Variants in PPP2R2C observed in about 807,000 individuals in gnomAD.
PPP2R2C encodes protein phosphatase 2, regulatory subunit B, gamma.
Under a neutral mutation model 45.3 loss-of-function variants are expected in PPP2R2C, and 10 were observed. That is an observed-to-expected ratio of 0.22 (90% CI 0.14 to 0.37). PPP2R2C has a LOEUF of 0.37. Ranked by LOEUF, PPP2R2C falls within the 10% of genes least tolerant of loss-of-function variation. PPP2R2C has a pLI of 1.00. For missense variants in PPP2R2C, 308 were observed against 619.7 expected (o/e 0.50, Z 5.34); for synonymous variants, 257 against 245.4 (o/e 1.05, Z -0.44).
chr4:6,453,500 G>A lies in PPP2R2C; in HGVS notation c.70+18660C>T, dbSNP rs1249609488. Among the ~76,000 whole-genome samples the A allele has an allele frequency of 2.4e-4, 36 of 151,566 alleles. 1 individual carries two copies. Among genetic ancestry groups the A allele is most frequent in the Admixed American group, 2.4e-3 (36 of 15,232 alleles). ...CTGCCCACCCCACCCCACCCCAGGG[G>A]CAGACACATGGTGAGCTCTCACTGA... is the stretch of plus-strand genomic sequence containing the variant. On this transcript the variant is annotated intron_variant, in intron 1 of 8. Transcript: ENST00000382599.
chr4:6,365,945 C>G (rs973747405), intron 5 of PPP2R2C, among the ~76,000 whole-genome samples: 3 of 152,206 alleles, frequency 2.0e-5, no homozygotes, highest in African/African-American at 7.2e-5. Flanking sequence ...ATGCATCAGA[C>G]TCAAGAAAAA....
intron 6 of PPP2R2C, among the ~76,000 whole-genome samples, chr4:6,346,099 G>A (rs187770724): frequency 8.6e-4 from 131 of 152,250 alleles, no homozygotes; most frequent in African/African-American, 3.0e-3. Flanking sequence ...TCCAGAGGGG[G>A]CAGCCAGGTG....
At chr4:6,323,727 G>C (rs1017890756) in intron 8 of PPP2R2C, 134 bp from the exon 9 acceptor site, 36 of 927,704 alleles carry the variant, frequency 3.9e-5, no homozygotes, top group Non-Finnish European at 5.5e-5. Context: ...CTTCAGCCTA[G>C]GAGTTCAAGA....
chr4:6,428,107 A>G (rs906055493), intron 1 of PPP2R2C, among the ~76,000 whole-genome samples: 1 of 152,208 alleles, frequency 6.6e-6, no homozygotes, highest in African/African-American at 2.4e-5. Context: ...GCCGCATGTC[A>G]CAATCCATAC....
chr4:6,453,014 C>T (rs974299847), intron 1 of PPP2R2C, among the ~76,000 whole-genome samples: 8 of 152,246 alleles, frequency 5.3e-5, no homozygotes, highest in African/African-American at 1.7e-4. Flanking sequence ...TAGAGCAGAA[C>T]ATCTTTCCCT....
intron 1 of PPP2R2C, among the ~76,000 whole-genome samples, chr4:6,409,015 C>T (rs1416521473): frequency 1.3e-5 from 2 of 151,550 alleles, no homozygotes; most frequent in East Asian, 1.9e-4. Context: ...GAGATGTAGG[C>T]AAACAGCTAG....
At chr4:6,349,987 C>T in intron 5 of PPP2R2C, 3 of 985,278 alleles carry the variant, frequency 3.0e-6, no homozygotes, top group Non-Finnish European at 3.6e-6. Flanking sequence ...TCAGAAAGCA[C>T]CTAAAAGGGT....
chr4:6,404,536 G>A (rs151142263), intron 1 of PPP2R2C, among the ~76,000 whole-genome samples: 11 of 152,306 alleles, frequency 7.2e-5, no homozygotes, highest in African/African-American at 2.2e-4. Context: ...CAGGTAGCAC[G>A]CTTCTCACTC....
chr4:6,440,425 G>C (rs1252107652), intron 1 of PPP2R2C, among the ~76,000 whole-genome samples: 1 of 152,210 alleles, frequency 6.6e-6, no homozygotes, highest in East Asian at 1.9e-4. Flanking sequence ...GTCCCCTGGG[G>C]CCAACAACTC....
chr4:6,530,278 C>T (rs529349996), intron 2 of PPP2R2C, among the ~76,000 whole-genome samples: 1 of 152,198 alleles, frequency 6.6e-6, no homozygotes, highest in South Asian at 2.1e-4. Context: ...GGTCCAAGCC[C>T]ATCCTAAAAA....
At chr4:6,449,571 G>A (rs758426739) in intron 1 of PPP2R2C, among the ~76,000 whole-genome samples, 26 of 152,176 alleles carry the variant, frequency 1.7e-4, no homozygotes, top group Middle Eastern at 3.2e-3. Context: ...GTGTCCTGTC[G>A]GCCATCCTCA....
chr4:6,501,945 G>C (rs990161613), intron 2 of PPP2R2C, among the ~76,000 whole-genome samples: 1 of 152,218 alleles, frequency 6.6e-6, no homozygotes, highest in Non-Finnish European at 1.5e-5. Context: ...GAAAGCATTT[G>C]CTGAACAAAT....
chr4:6,328,752 T>C lies in PPP2R2C; in HGVS notation c.1052+510A>G, dbSNP rs934097777. 3.0e-4 allele frequency among the ~76,000 whole-genome samples: 46 copies of C among 152,194 alleles called. No individual in the cohort carries two copies. The Middle Eastern group carries it at 0.01, about 34-fold the overall frequency. Reference sequence around the variant, plus strand: ...GGATTGTGACAAGCCCTGGAGGGTGTAGGAGCTCCAAGGTGCCCCTGAGCC... The same window carrying C: ...GGATTGTGACAAGCCCTGGAGGGTGCAGGAGCTCCAAGGTGCCCCTGAGCC... On this transcript the variant is annotated intron_variant, in intron 8 of 8. Transcript: ENST00000382599. The surrounding 1 kb of genome is among the most constrained non-coding windows in gnomAD (Gnocchi z 4.4).
chr4:6,535,107 A>C (rs1724560231), intron 2 of PPP2R2C, among the ~76,000 whole-genome samples: 1 of 152,160 alleles, frequency 6.6e-6, no homozygotes, highest in East Asian at 1.9e-4. Context: ...GGCAGGAGCC[A>C]GGGTCGGGGG....
chr4:6,472,009 A>ATGGGGTGGGG, intron 1 of PPP2R2C, 151 bp downstream of exon 1: 9 of 737,462 alleles, frequency 1.2e-5, no homozygotes, highest in African/African-American at 4.9e-5. Flanking sequence ...GTGGGATGGG[A>ATGGGGTGGGG]TGGGGTGGGG....
At chr4:6,383,257 C>G (rs1387991511) in intron 1 of PPP2R2C, 4 of 1,222,398 alleles carry the variant, frequency 3.3e-6, no homozygotes, top group Non-Finnish European at 3.1e-6. Context: ...CCCGGCCAAG[C>G]CCAGCCTCCA....
At chr4:6,350,247 A>C in intron 5 of PPP2R2C, 1 of 985,474 alleles carries the variant, frequency 1.0e-6, no homozygotes, top group Non-Finnish European at 1.2e-6. Context: ...CTGGCAGCCC[A>C]GCCCTCCCAG....
Position 6,378,295 on chromosome 4 carries a change from G to A in PPP2R2C, c.334+112C>T. On this transcript the variant is annotated intron_variant, in intron 3 of 8. Transcript: ENST00000382599. This position sits in a 1 kb window ranked among gnomAD's most constrained non-coding sequence, Gnocchi z 5.2. Reference sequence around the variant, plus strand: ...TGCTCAAAAAGGATATTATTTTCTAGGCGTTCTGAAGACATAGAAAAATGC... The same window carrying A: ...TGCTCAAAAAGGATATTATTTTCTAAGCGTTCTGAAGACATAGAAAAATGC... The A allele has an allele frequency of 6.4e-7, 1 of 1,551,400 alleles. No individual in the cohort carries two copies. Among genetic ancestry groups the A allele is most frequent in the South Asian group, 1.2e-5 (1 of 82,338 alleles).
chr4:6,526,182 A>C (rs1724203993), intron 2 of PPP2R2C, among the ~76,000 whole-genome samples: 1 of 152,260 alleles, frequency 6.6e-6, no homozygotes, highest in South Asian at 2.1e-4. Flanking sequence ...CATACATGTT[A>C]GCTTATGACA....
Sources: allele counts gnomAD v4.1 joint callset (sites outside exome capture counted in the v4.1 genomes callset), GRCh38; gene constraint gnomAD v4.1.1; non-coding constraint Gnocchi (gnomAD v3.1); transcripts MANE v1.5; gene names NCBI Gene and HGNC (gene_info 2026-07-23, HGNC 2026-07-21).